The following MED13L variants were observed in gnomAD, a reference collection of about 807,000 sequenced individuals.
MED13L encodes mediator of RNA polymerase II transcription subunit 13-like.
A neutral mutation model predicts 220.9 loss-of-function variants in MED13L; 7 were observed. The ratio of observed to expected loss-of-function variants is 0.03; its 90% CI spans 0.02 to 0.06. The LOEUF is 0.06. Among genes scored for constraint, MED13L ranks in the 10% least tolerant of loss-of-function variants. The probability of loss-of-function intolerance (pLI) is 1.00; values close to 1 mark genes in which losing one functional copy is unlikely to be tolerated. For synonymous variants in MED13L, 1,011 were observed against 1,015.2 expected (o/e 1.00, Z 0.08); for missense variants, 1,965 against 2,760.5 (o/e 0.71, Z 6.46).
chr12:116,125,547 C>T (rs1302580892), intron 2 of MED13L, among the ~76,000 whole-genome samples: 1 of 152,180 alleles, frequency 6.6e-6, no homozygotes, highest in Non-Finnish European at 1.5e-5. Context: ...GTGTCCCACA[C>T]AATTTTAGAA....
chr12:116,149,299 C>T (rs1408533436), intron 2 of MED13L, among the ~76,000 whole-genome samples: 1 of 152,060 alleles, frequency 6.6e-6, no homozygotes, highest in Admixed American at 6.6e-5. Context: ...GTCTTAGACC[C>T]CACTAGATTA....
chr12:116,007,285 A>G, intron 11 of MED13L, 126 bp downstream of exon 11: 1 of 837,306 alleles, frequency 1.2e-6, no homozygotes, highest in South Asian at 1.4e-5. Context: ...AAGAGCATGA[A>G]TATGGGGACA....
At position 115,959,945 on chromosome 12, in the gene MED13L, G is replaced by A. The variant is rs2137177758; in HGVS notation, c.*1321C>T. 2 of 152,572 alleles carry A rather than the reference G, an allele frequency of 1.3e-5. No individual in the cohort carries two copies. Among genetic ancestry groups the A allele is most frequent in the African/African-American group, 4.8e-5 (2 of 41,502 alleles). The allele number at this position is 152,572 out of a possible 1,614,324, so 9.5% of individuals were successfully genotyped here. A position where few individuals can be genotyped will look rare whatever the true frequency, so the allele number is the denominator to read the frequency against. Reference sequence around the variant, plus strand: ...AAAGGCCTGGTCACAGTGGCTCCCGGGAGGCCAGTACACACCCACTGTCCT... The same window carrying A: ...AAAGGCCTGGTCACAGTGGCTCCCGAGAGGCCAGTACACACCCACTGTCCT... On this transcript the variant is annotated 3_prime_UTR_variant, in exon 31 of 31. Coordinates refer to ENST00000281928, the MANE Select transcript of MED13L (RefSeq NM_015335.5).
rs746426523 is a variant in MED13L at position 115,980,798 on chromosome 12, C to T, written c.5316G>A (p.Thr1772=). ...CAATGCTGGCTGCAGGCCCAAATCC[C>T]GTGAGGGATTTAATGTGGATCTGTG... The part of the protein sequence containing the change: ...LPTQIHIKSL[T]GFGPAASIEM... The change falls in exon 23 of 31, where the codon ACG becomes ACA. Residue 1772 remains threonine, a synonymous_variant. Coordinates refer to ENST00000281928, the MANE Select transcript of MED13L (RefSeq NM_015335.5). 6.2e-6 allele frequency: 10 copies of T among 1,614,086 alleles called. No individual in the cohort carries two copies. Among genetic ancestry groups the T allele is most frequent in the Non-Finnish European group, 7.6e-6 (9 of 1,180,012 alleles).
At chr12:115,999,794 C>T (rs1254422378) in intron 14 of MED13L, among the ~76,000 whole-genome samples, 5 of 152,086 alleles carry the variant, frequency 3.3e-5, no homozygotes, top group South Asian at 2.1e-4. Flanking sequence ...CCTGAACGCA[C>T]GCATATATCT....
At chr12:116,063,669 A>C (rs1389480295) in intron 4 of MED13L, among the ~76,000 whole-genome samples, 2 of 152,200 alleles carry the variant, frequency 1.3e-5, no homozygotes, top group African/African-American at 4.8e-5. Flanking sequence ...CTCATCAGGC[A>C]AAAGCCTTTT....
chr12:116,170,633 C>T (rs1180066423), intron 2 of MED13L, among the ~76,000 whole-genome samples: 2 of 142,882 alleles, frequency 1.4e-5, no homozygotes, highest in East Asian at 4.1e-4. Context: ...TTAAGAGTCA[C>T]TCTGTTGCCC....
At chr12:116,209,120 T>C (rs187380625) in intron 2 of MED13L, among the ~76,000 whole-genome samples, 2 of 152,370 alleles carry the variant, frequency 1.3e-5, no homozygotes, top group Admixed American at 6.5e-5. Context: ...TATAAATATA[T>C]TTTGATGAAA....
chr12:115,973,490 T>G (rs1298274000), intron 25 of MED13L, among the ~76,000 whole-genome samples: 2 of 152,194 alleles, frequency 1.3e-5, no homozygotes, highest in Non-Finnish European at 2.9e-5. Context: ...CACTAAGAGA[T>G]AAGGAAGAAG....
chr12:116,241,939 A>G (rs905201928), intron 1 of MED13L, among the ~76,000 whole-genome samples: 1 of 152,200 alleles, frequency 6.6e-6, no homozygotes, highest in Non-Finnish European at 1.5e-5. Flanking sequence ...AGTTTGTCCA[A>G]GAAAAAAAAT....
At chr12:116,198,879 G>C (rs1402797990) in intron 2 of MED13L, among the ~76,000 whole-genome samples, 2 of 152,106 alleles carry the variant, frequency 1.3e-5, no homozygotes, top group African/African-American at 2.4e-5. Context: ...AAAAGATATA[G>C]ATGCTAAGGA....
intron 4 of MED13L, among the ~76,000 whole-genome samples, chr12:116,090,907 G>A (rs990260038): frequency 2.6e-5 from 4 of 151,920 alleles, no homozygotes; most frequent in Non-Finnish European, 5.9e-5. Flanking sequence ...GGTGGATCAC[G>A]TGAGGTCAAG....
chr12:116,101,517 C>T (rs576689003), intron 3 of MED13L, among the ~76,000 whole-genome samples: 4 of 152,232 alleles, frequency 2.6e-5, no homozygotes, highest in Non-Finnish European at 5.9e-5. Flanking sequence ...TGTATTCTCG[C>T]TAATGCAACA....
chr12:116,016,485 A>G (rs1879732481), intron 7 of MED13L, among the ~76,000 whole-genome samples: 1 of 152,238 alleles, frequency 6.6e-6, no homozygotes, highest in African/African-American at 2.4e-5. Context: ...AACACCAATT[A>G]TAAAACTAGG....
At chr12:116,256,358 T>C (rs1872042337) in intron 1 of MED13L, among the ~76,000 whole-genome samples, 1 of 151,098 alleles carries the variant, frequency 6.6e-6, no homozygotes. Context: ...TACTATATGA[T>C]TCCATTTATT....
Position 115,980,954 on chromosome 12 carries a change from C to T in MED13L, c.5176-16G>A. 2.9e-6 allele frequency: 4 copies of T among 1,357,934 alleles called. No homozygotes were observed. Among genetic ancestry groups the T allele is most frequent in the East Asian group, 5.3e-5 (2 of 37,424 alleles). 84.1% of individuals were successfully genotyped at this position (1,357,934 alleles called of 1,614,324 possible). On this transcript the variant is annotated splice_polypyrimidine_tract_variant and intron_variant, in intron 22 of 30. Transcript: ENST00000281928. ...AAGGCACAATCTAAAGACACAAATA[C>T]AAAAAAAAAACAAAAACCAAAAACC...
chr12:115,983,595 G>A, intron 20 of MED13L, 55 bp from the exon 21 acceptor site: 6 of 1,579,380 alleles, frequency 3.8e-6, no homozygotes, highest in Non-Finnish European at 5.2e-6. Flanking sequence ...GTGTCGGACT[G>A]AACCAGAATC....
chr12:115,997,272 C>T, intron 14 of MED13L, 42 bp from the exon 15 acceptor site: 3 of 1,572,628 alleles, frequency 1.9e-6, no homozygotes, highest in Non-Finnish European at 2.6e-6. Context: ...ATAGGAAGGG[C>T]TTCTAAAAAG....
At chr12:116,017,972 G>C (rs1879829910) in intron 7 of MED13L, among the ~76,000 whole-genome samples, 2 of 150,930 alleles carry the variant, frequency 1.3e-5, no homozygotes, top group African/African-American at 4.9e-5. Context: ...GCAAATACAT[G>C]GTTCTTAAAA....
Sources: gnomAD v4.1 joint callset for allele counts (sites outside exome capture counted in the v4.1 genomes callset) on GRCh38, gnomAD v4.1.1 for gene constraint, MANE v1.5 for transcripts, NCBI Gene and HGNC (gene_info 2026-07-23, HGNC 2026-07-21) for gene names.